SUPT20H: variants seen among roughly 807,000 people sequenced by gnomAD.
SUPT20H encodes SPT20 homolog, SAGA complex component.
In SUPT20H, 82 loss-of-function variants were observed where a neutral mutation model predicts 122.8. The ratio of observed to expected loss-of-function variants is 0.67; its 90% CI spans 0.56 to 0.80. The LOEUF (loss-of-function observed/expected upper bound fraction) is 0.80. SUPT20H is among the 30% of genes least tolerant of loss of function. SUPT20H has a pLI of 0.00. For missense variants in SUPT20H, 831 were observed against 921.6 expected (o/e 0.90, Z 1.27); for synonymous variants, 291 against 313.0 (o/e 0.93, Z 0.74).
intron 9 of SUPT20H, 24 bp from the exon 10 acceptor site, chr13:37,033,612 C>A (rs1346560647): frequency 6.2e-7 from 1 of 1,603,780 alleles, no homozygotes; most frequent in Non-Finnish European, 8.5e-7. Context: ...GAGCATATGT[C>A]AATACCAGAT....
chr13:37,026,777 A>C lies in SUPT20H; in HGVS notation c.1178+13T>G. The C allele has an allele frequency of 7.3e-7, 1 of 1,370,350 alleles. No individual in the cohort carries two copies. Among genetic ancestry groups the C allele is most frequent in the Non-Finnish European group, 9.8e-7 (1 of 1,023,318 alleles). 84.9% of individuals were successfully genotyped at this position (1,370,350 alleles called of 1,614,324 possible). On this transcript the variant is annotated intron_variant, in intron 15 of 25. Transcript: ENST00000350612. ...ATTTCTTAACAGATTAAAATAGTTT[A>C]TTTTTTAATTACCAATTTGAATGAT... is the stretch of plus-strand genomic sequence containing the variant.
intron 16 of SUPT20H, 195 bp downstream of exon 16, chr13:37,026,009 T>A: frequency 2.4e-6 from 1 of 413,156 alleles, no homozygotes; most frequent in East Asian, 3.7e-5. Context: ...GATTTTAAAG[T>A]TGGAAAGGAC....
intron 23 of SUPT20H, among the ~76,000 whole-genome samples, chr13:37,016,671 G>C (rs2060560488): frequency 6.6e-6 from 1 of 152,100 alleles, no homozygotes; most frequent in Non-Finnish European, 1.5e-5. Flanking sequence ...TATAATTTGT[G>C]AGATAGAGAA....
At chr13:37,057,118 G>A (rs1293020171) in intron 1 of SUPT20H, 1 of 152,034 alleles carries the variant, frequency 6.6e-6, no homozygotes, top group African/African-American at 2.4e-5. Context: ...GGGCAACATA[G>A]TGAGACTTGT....
chr13:37,023,935 A>T, intron 19 of SUPT20H, 100 bp downstream of exon 19: 2 of 1,294,654 alleles, frequency 1.5e-6, no homozygotes, highest in Non-Finnish European at 2.1e-6. Flanking sequence ...TACACAGTAC[A>T]TTCAGATATC....
intron 17 of SUPT20H, chr13:37,024,646 A>G: frequency 2.9e-6 from 1 of 349,692 alleles, no homozygotes; most frequent in Non-Finnish European, 5.1e-6. Flanking sequence ...GATTCATGAA[A>G]TATATTACAG....
chr13:37,036,986 G>A (rs1274263753), intron 9 of SUPT20H, among the ~76,000 whole-genome samples: 5 of 152,020 alleles, frequency 3.3e-5, no homozygotes. Flanking sequence ...CTTGAGCTCA[G>A]GAGTTCGAGA....
rs769005970 is a variant in SUPT20H at position 37,031,573 on chromosome 13, T to C, written c.915A>G (p.Glu305=). The C allele has an allele frequency of 5.1e-6, 8 of 1,559,256 alleles. No individual in the cohort carries two copies. In the Admixed American group the frequency reaches 1.7e-4, roughly 34 times the overall value. The part of the protein sequence containing the change: ...RSPCNLAIPS[E]VDVEKYAKVE... ...AATTCATGAACTGACTTACATCTAC[T>C]TCAGAAGGTATGGCCAAATTACAGG... Residue 305 remains glutamate (E), a synonymous_variant, in exon 12 of 26, where the codon GAA becomes GAG. Transcript: ENST00000350612.
intron 5 of SUPT20H, among the ~76,000 whole-genome samples, chr13:37,046,477 C>A (rs1436921693): frequency 6.6e-6 from 1 of 152,144 alleles, no homozygotes; most frequent in Non-Finnish European, 1.5e-5. Context: ...ATAGTTTGTG[C>A]TGCAATACTC....
At chr13:37,015,359 A>G (rs901508811) in intron 23 of SUPT20H, among the ~76,000 whole-genome samples, 11 of 152,032 alleles carry the variant, frequency 7.2e-5, no homozygotes, top group African/African-American at 2.7e-4. Flanking sequence ...ACTTTTCTCC[A>G]AAGATGGTAC....
intron 22 of SUPT20H, among the ~76,000 whole-genome samples, chr13:37,018,792 G>C (rs1172151299): frequency 6.6e-6 from 1 of 152,038 alleles, no homozygotes; most frequent in African/African-American, 2.4e-5. Flanking sequence ...GAGTAGCAGG[G>C]ATTACAGGTG....
intron 9 of SUPT20H, among the ~76,000 whole-genome samples, chr13:37,034,453 C>G (rs1172140016): frequency 2.6e-5 from 4 of 152,166 alleles, no homozygotes; most frequent in African/African-American, 9.7e-5. Flanking sequence ...TAAGCCAAAG[C>G]CTAATCCAGA....
chr13:37,052,163 C>T (rs1441081920), intron 1 of SUPT20H, among the ~76,000 whole-genome samples: 2 of 152,056 alleles, frequency 1.3e-5, no homozygotes, highest in Admixed American at 6.6e-5. Flanking sequence ...ACTTTCTTCA[C>T]AAAACTAGGA....
intron 14 of SUPT20H, among the ~76,000 whole-genome samples, chr13:37,027,088 T>A (rs946801482): frequency 1.9e-4 from 29 of 152,100 alleles, no homozygotes; most frequent in African/African-American, 7.0e-4. Flanking sequence ...CAATGTATGT[T>A]GTCTTTAAGT....
intron 9 of SUPT20H, chr13:37,039,973 G>T (rs2065171433): frequency 6.5e-6 from 1 of 153,122 alleles, no homozygotes. Flanking sequence ...AACTGGAGGG[G>T]TTAACTGGTT....
chr13:37,018,528 T>C (rs956737262), intron 22 of SUPT20H, among the ~76,000 whole-genome samples: 4 of 152,238 alleles, frequency 2.6e-5, no homozygotes, highest in African/African-American at 9.6e-5. Context: ...CATCAATCCA[T>C]AGCTCTACTA....
intron 1 of SUPT20H, among the ~76,000 whole-genome samples, chr13:37,055,212 A>C (rs900335968): frequency 6.6e-6 from 1 of 152,190 alleles, no homozygotes; most frequent in African/African-American, 2.4e-5. Context: ...TTATAGATTC[A>C]ACGCCATCCC....
rs563656317 is a variant in SUPT20H, at chr13:37,059,176, G to A, written c.-94+383C>T. The A allele has an allele frequency of 7.2e-5, 11 of 152,352 alleles. No homozygotes were observed. In the South Asian group the frequency reaches 2.1e-3, roughly 29 times the overall value. The allele number at this position is 152,352 out of a possible 1,614,324, so 9.4% of individuals were successfully genotyped here. On this transcript the variant is annotated intron_variant, in intron 1 of 25. Coordinates refer to ENST00000350612, the MANE Select transcript of SUPT20H (RefSeq NM_001014286.3). Reference sequence around the variant, plus strand: ...GAGTCTTCCCATTGCAGGAGCTTTTGTCACAACTTAGGCTTTACCTGTACA... The same window carrying A: ...GAGTCTTCCCATTGCAGGAGCTTTTATCACAACTTAGGCTTTACCTGTACA...
rs2062660377 is a variant in SUPT20H at position 37,028,191 on chromosome 13, A to G, written c.1108T>C (p.Cys370Arg). The G allele has an allele frequency of 1.2e-6, 2 of 1,612,740 alleles. No individual in the cohort carries two copies. The highest frequency in any genetic ancestry group is 1.7e-6 in the Non-Finnish European group (2 of 1,179,460). The stretch of plus-strand genomic sequence containing the variant: ...CTGTCACTTTCTTCATCTGCTTTAC[A>G]TGGCTGTATTTTACCATAGTAAAGT... ...DPLYYGKIQP[C>R]KADEESDSQM... The change falls in exon 14 of 26, where the codon TGT (cysteine) becomes CGT (arginine). Residue 370 changes from cysteine to arginine, a missense_variant. By Grantham distance (180) the Cys-to-Arg change is radical (BLOSUM62 -3). Transcript: ENST00000350612.
Sources: allele counts gnomAD v4.1 joint callset (sites outside exome capture counted in the v4.1 genomes callset), GRCh38; gene constraint gnomAD v4.1.1; transcripts MANE v1.5; gene names NCBI Gene and HGNC (gene_info 2026-07-23, HGNC 2026-07-21).